The following NCKAP5 variants were observed in gnomAD, a reference collection of about 807,000 sequenced individuals.
NCKAP5 encodes nck-associated protein 5.
In NCKAP5, 92 loss-of-function variants were observed where a neutral mutation model predicts 167.0. The observed-to-expected ratio is 0.55, with a 90% CI of 0.47 to 0.66. The LOEUF (loss-of-function observed/expected upper bound fraction) is 0.66. NCKAP5 is among the 30% of genes least tolerant of loss of function. The pLI, the probability that NCKAP5 is intolerant of heterozygous loss-of-function variation, is 0.00. For synonymous variants in NCKAP5, 891 were observed against 877.4 expected, an observed-to-expected ratio of 1.02 and a Z score of -0.27; for missense variants, 2,378 against 2,315.0, an observed-to-expected ratio of 1.03 and a Z score of -0.56.
intron 2 of NCKAP5, among the ~76,000 whole-genome samples, chr2:133,530,655 G>A (rs1479662753): frequency 6.6e-6 from 1 of 152,150 alleles, no homozygotes; most frequent in Non-Finnish European, 1.5e-5. Flanking sequence ...TCTAGCTTAA[G>A]GATGGTGCTC....
In NCKAP5 at chr2:132,785,579, C is replaced by A; in HGVS notation, c.1232G>T (p.Arg411Leu). 1 of 1,595,704 alleles carries A rather than the reference C, an allele frequency of 6.3e-7. No individual in the cohort carries two copies. The highest frequency in any genetic ancestry group is 8.5e-7 in the Non-Finnish European group (1 of 1,171,558). ...TGATGGGGGTTCAAGTAACACTTTT[C>A]GCTTCTGTAGCTTTCTTAGCCCTTC... ...ILEGLRKLQK[R>L]KVLLEPPSVI... Residue 411 changes from arginine (R) to leucine (L), a missense_variant, in exon 14 of 20, where the codon CGA becomes CTA. By Grantham distance (102) the Arg-to-Leu change is moderately radical. Around this residue, in one of 3 missense-constraint regions of NCKAP5, gnomAD observed 1,049 missense variants for 1,023.4 expected, o/e 1.02. Transcript: ENST00000409261.
At chr2:133,313,719 C>CA (rs1476929920) in intron 3 of NCKAP5, among the ~76,000 whole-genome samples, 4 of 151,926 alleles carry the variant, frequency 2.6e-5, no homozygotes, top group African/African-American at 9.7e-5. Flanking sequence ...AGTAACATGT[C>CA]ATTTGTCAGC....
At chr2:132,722,644 A>G (rs1378581151) in intron 19 of NCKAP5, among the ~76,000 whole-genome samples, 2 of 151,206 alleles carry the variant, frequency 1.3e-5, no homozygotes, top group Non-Finnish European at 2.9e-5. Flanking sequence ...CCTACCCACC[A>G]CTTCCACTTG....
At chr2:133,081,941 C>A (rs1248557079) in intron 6 of NCKAP5, among the ~76,000 whole-genome samples, 1 of 152,082 alleles carries the variant, frequency 6.6e-6, no homozygotes, top group African/African-American at 2.4e-5. Context: ...TATAGATAAA[C>A]TGAATGTCAC....
chr2:133,126,073 C>G (rs770225345), intron 6 of NCKAP5, among the ~76,000 whole-genome samples: 3 of 152,224 alleles, frequency 2.0e-5, no homozygotes, highest in Non-Finnish European at 4.4e-5. Flanking sequence ...AGCCATCAGG[C>G]TCATCACACA....
chr2:132,836,578 T>C (rs541574471), intron 11 of NCKAP5, among the ~76,000 whole-genome samples: 2 of 152,220 alleles, frequency 1.3e-5, no homozygotes, highest in African/African-American at 4.8e-5. Context: ...GTTATTGGGG[T>C]ACAGGTGGTA....
chr2:133,561,723 C>T (rs1440935045), intron 1 of NCKAP5, among the ~76,000 whole-genome samples: 1 of 152,138 alleles, frequency 6.6e-6, no homozygotes, highest in African/African-American at 2.4e-5. Context: ...ACTTATCCTC[C>T]TTGGCAACTG....
Position 132,783,683 on chromosome 2 carries a change from C to A in NCKAP5, c.3128G>T (p.Arg1043Ile). The change falls in exon 14 of 20, where the codon AGA becomes ATA. Residue 1043 changes from arginine to isoleucine, a missense_variant. Around this residue, in one of 3 missense-constraint regions of NCKAP5, gnomAD observed 1,325 missense variants for 1,274.5 expected, o/e 1.04. Transcript: ENST00000409261. The part of the protein sequence containing the change: ...ALGPPKVSPK[R>I]GVPKTSPRQT... ...GCGAGGAGAGGTTTTGGGGACACCTCTCTTCGGAGAGACCTTTGGAGGCCC... is the reference window on the plus strand; with the variant it reads ...GCGAGGAGAGGTTTTGGGGACACCTATCTTCGGAGAGACCTTTGGAGGCCC... The A allele has an allele frequency of 6.2e-7, 1 of 1,613,760 alleles. No individual in the cohort carries two copies. Among genetic ancestry groups the A allele is most frequent in the Admixed American group, 1.7e-5 (1 of 60,014 alleles).
intron 19 of NCKAP5, among the ~76,000 whole-genome samples, chr2:132,703,874 C>A (rs1482746768): frequency 6.6e-6 from 1 of 152,138 alleles, no homozygotes; most frequent in Non-Finnish European, 1.5e-5. Flanking sequence ...GTATTCTGGG[C>A]AAATCCAGCA....
rs1027655553 is a variant in NCKAP5, at chr2:132,808,588, A to G, written c.808-11859T>C. Among the ~76,000 whole-genome samples the G allele has an allele frequency of 2.0e-5, 3 of 152,004 alleles. No homozygotes were observed. In the East Asian group the frequency reaches 5.8e-4, roughly 29 times the overall value. ...AGCCTTAATTGATCTTTTGTATTTC[A>G]GTGGCGTCAGTTGTAATATCTCCTG... On this transcript the variant is annotated intron_variant, in intron 11 of 19. Transcript: ENST00000409261.
At chr2:132,878,777 C>T (rs1430878471) in intron 9 of NCKAP5, 71 bp downstream of exon 9, 1 of 1,122,188 alleles carries the variant, frequency 8.9e-7, no homozygotes, top group East Asian at 2.4e-5. Flanking sequence ...AGCACACACA[C>T]ATTTTGAGAT....
At chr2:132,817,997 C>T (rs1433673828) in intron 11 of NCKAP5, among the ~76,000 whole-genome samples, 1 of 152,190 alleles carries the variant, frequency 6.6e-6, no homozygotes, top group Non-Finnish European at 1.5e-5. Flanking sequence ...GCCCAGGCTG[C>T]AGTGCCGCGG....
intron 8 of NCKAP5, among the ~76,000 whole-genome samples, chr2:132,890,181 C>T (rs1202793211): frequency 1.3e-5 from 2 of 152,152 alleles, no homozygotes; most frequent in East Asian, 3.9e-4. Flanking sequence ...AGAAAAGGTG[C>T]TTCTGTACTT....
At chr2:132,922,866 G>C (rs1349575335) in intron 8 of NCKAP5, among the ~76,000 whole-genome samples, 3 of 152,122 alleles carry the variant, frequency 2.0e-5, no homozygotes, top group Non-Finnish European at 2.9e-5. Flanking sequence ...TTCTGGTCAT[G>C]GACCTTTATG....
At chr2:133,047,926 C>T (rs2079457703) in intron 6 of NCKAP5, among the ~76,000 whole-genome samples, 1 of 152,208 alleles carries the variant, frequency 6.6e-6, no homozygotes, top group Admixed American at 6.5e-5. Flanking sequence ...AAAAGCAGAA[C>T]TTTGGCATGC....
intron 5 of NCKAP5, among the ~76,000 whole-genome samples, chr2:133,211,728 C>G (rs928919382): frequency 6.6e-5 from 10 of 152,120 alleles, no homozygotes; most frequent in Non-Finnish European, 1.2e-4. Flanking sequence ...TTTGCCTAAC[C>G]AATCAATACA....
chr2:133,434,574 GTGT>G (rs1238568742), intron 3 of NCKAP5, among the ~76,000 whole-genome samples: 1 of 152,190 alleles, frequency 6.6e-6, no homozygotes, highest in African/African-American at 2.4e-5. Flanking sequence ...CTATCTCATA[GTGT>G]TGTTGTAAAA....
At chr2:132,798,234 G>C (rs778266579) in intron 11 of NCKAP5, among the ~76,000 whole-genome samples, 3 of 152,178 alleles carry the variant, frequency 2.0e-5, no homozygotes, top group Admixed American at 6.5e-5. Flanking sequence ...TGACTTTCCT[G>C]GGGGCAAAGA....
At chr2:132,709,524 G>T (rs1688660935) in intron 19 of NCKAP5, among the ~76,000 whole-genome samples, 1 of 151,788 alleles carries the variant, frequency 6.6e-6, no homozygotes, top group East Asian at 1.9e-4. Flanking sequence ...ATACAATAGA[G>T]ACTAAAACGA....
Sources: gnomAD v4.1 joint callset for allele counts (sites outside exome capture counted in the v4.1 genomes callset) on GRCh38, gnomAD v4.1.1 for gene constraint, gnomAD v4.1.1 regional missense constraint, MANE v1.5 for transcripts, NCBI Gene and HGNC (gene_info 2026-07-23, HGNC 2026-07-21) for gene names.